MTA3: variants seen among roughly 807,000 people sequenced by gnomAD.
MTA3 encodes the protein metastasis-associated protein MTA3.
MTA3 carries 34 observed loss-of-function variants against 83.5 expected under a neutral mutation model. The ratio of observed to expected loss-of-function variants is 0.41; its 90% CI spans 0.31 to 0.54. The LOEUF (loss-of-function observed/expected upper bound fraction) is 0.54, where lower values mean the gene tolerates loss of function less well. Among genes scored for constraint, MTA3 ranks in the 20% least tolerant of loss-of-function variants. The pLI is 0.33. For synonymous variants in MTA3, 303 were observed against 252.7 expected (o/e 1.20, Z -1.89); for missense variants, 761 against 726.4 (o/e 1.05, Z -0.55).
intron 5 of MTA3, among the ~76,000 whole-genome samples, chr2:42,642,646 T>G (rs1407584194): frequency 6.8e-6 from 1 of 148,018 alleles, no homozygotes; most frequent in African/African-American, 2.5e-5. Context: ...TTAAGTTGGT[T>G]TTTTTTTTTT....
rs1477328409 is a variant in MTA3 at position 42,719,036 on chromosome 2, G to C, written c.1574G>C (p.Ser525Thr). Residue 525 changes from serine to threonine, a missense_variant, in exon 15 of 17, where the codon AGC (serine) becomes ACC (threonine). By Grantham distance (58) the Ser-to-Thr change is moderately conservative (BLOSUM62 1). Coordinates refer to ENST00000405094, the MANE Select transcript of MTA3 (RefSeq NM_001330442.2). ...TCTGGAAGTCCACTGAAAAGCAAAA[G>C]CACTAGGAAGCCTTTGGCATGTATC... ...ELSGSPLKSK[S>T]TRKPLACIIG... The C allele has an allele frequency of 3.9e-6, 6 of 1,550,448 alleles. No homozygotes were observed. The highest frequency in any genetic ancestry group is 1.4e-5 in the African/African-American group (1 of 73,172).
intron 2 of MTA3, among the ~76,000 whole-genome samples, chr2:42,574,032 T>C (rs1028333909): frequency 1.3e-5 from 2 of 151,408 alleles, no homozygotes; most frequent in African/African-American, 4.9e-5. Flanking sequence ...GAGATGGGGT[T>C]TCACCGTGTT....
intron 6 of MTA3, among the ~76,000 whole-genome samples, chr2:42,652,587 C>T (rs957515818): frequency 6.6e-6 from 1 of 152,146 alleles, no homozygotes; most frequent in African/African-American, 2.4e-5. Flanking sequence ...CTCAAATGAT[C>T]CTCCTACCTT....
chr2:42,645,422 G>A (rs1251708487), intron 6 of MTA3, among the ~76,000 whole-genome samples: 1 of 152,142 alleles, frequency 6.6e-6, no homozygotes, highest in Non-Finnish European at 1.5e-5. Flanking sequence ...CTACTCGGGA[G>A]GCTGAGGCAA....
At chr2:42,629,775 C>G (rs914932120) in intron 4 of MTA3, among the ~76,000 whole-genome samples, 1 of 151,922 alleles carries the variant, frequency 6.6e-6, no homozygotes, top group African/African-American at 2.4e-5. Flanking sequence ...TTCATGGGGC[C>G]TGAAAAACAA....
Position 42,625,965 on chromosome 2 carries a change from C to T in MTA3, c.318-14208C>T, listed in dbSNP as rs563011542. Among the ~76,000 whole-genome samples the T allele has an allele frequency of 2.5e-3, 303 of 123,050 alleles. 2 individuals are homozygous for T. Among genetic ancestry groups the T allele is most frequent in the Non-Finnish European group, 4.0e-3 (247 of 61,712 alleles). The allele number at this position is 123,050 out of a possible 152,430, so 80.7% of individuals were successfully genotyped here. ...TTTTTTCTTTTTTTTTTTTTTGAGT[C>T]GGAGTCCTGCTTTGTCGCCCAGGCT... On this transcript the variant is annotated intron_variant, in intron 4 of 16. Coordinates refer to ENST00000405094, the MANE Select transcript of MTA3 (RefSeq NM_001330442.2).
chr2:42,682,811 G>A lies in MTA3; in HGVS notation c.891+222G>A, dbSNP rs527957598. The A allele has an allele frequency of 9.4e-5, 43 of 458,770 alleles. No homozygotes were observed. The Admixed American group carries it at 1.4e-3, about 15-fold the overall frequency. The allele number at this position is 458,770 out of a possible 1,614,324, so 28.4% of individuals were successfully genotyped here. A position where few individuals can be genotyped will look rare whatever the true frequency, so the allele number is the denominator to read the frequency against. Reference sequence around the variant, plus strand: ...TATCAGGCCGGGTACGGTGGCTCACGTCTGTAATTCCAGGACTTTGGGAGG... The same window carrying A: ...TATCAGGCCGGGTACGGTGGCTCACATCTGTAATTCCAGGACTTTGGGAGG... On this transcript the variant is annotated intron_variant, in intron 9 of 16. Transcript: ENST00000405094.
chr2:42,654,917 CCTT>C (rs1180191721), intron 6 of MTA3, among the ~76,000 whole-genome samples: 11 of 152,152 alleles, frequency 7.2e-5, no homozygotes, highest in Non-Finnish European at 1.3e-4. Context: ...CACCCAGCCT[CCTT>C]CTTTCTACTA....
intron 4 of MTA3, among the ~76,000 whole-genome samples, chr2:42,624,170 G>T (rs900883695): frequency 2.6e-5 from 4 of 151,996 alleles, no homozygotes; most frequent in African/African-American, 9.7e-5. Context: ...CCATAATTCA[G>T]ACTTTTCTTT....
At chr2:42,599,583 C>G (rs958944738) in intron 3 of MTA3, among the ~76,000 whole-genome samples, 1 of 151,610 alleles carries the variant, frequency 6.6e-6, no homozygotes, top group Non-Finnish European at 1.5e-5. Flanking sequence ...GTGTGAGACT[C>G]CATCTCCAAA....
chr2:42,500,701 A>G (rs960919014), intron 2 of MTA3, among the ~76,000 whole-genome samples: 1 of 152,204 alleles, frequency 6.6e-6, no homozygotes, highest in African/African-American at 2.4e-5. Context: ...AGATAAATTA[A>G]CAAGAGAAAC....
intron 16 of MTA3, among the ~76,000 whole-genome samples, chr2:42,727,135 C>T (rs1040898953): frequency 6.6e-6 from 1 of 152,154 alleles, no homozygotes; most frequent in African/African-American, 2.4e-5. Flanking sequence ...GAGGTTGAGA[C>T]TGCAGTGAGC....
chr2:42,724,277 A>AACACACACACACACACACACACACAC lies in MTA3; in HGVS notation c.1759+1271_1759+1296dup, dbSNP rs34379999. 5.9e-4 allele frequency among the ~76,000 whole-genome samples: 43 copies of AACACACACACACACACACACACACAC among 73,174 alleles called. 3 individuals carry two copies. The highest frequency in any genetic ancestry group is 1.0e-3 in the Admixed American group (6 of 5,912). 48.0% of individuals were successfully genotyped at this position (73,174 alleles called of 152,430 possible). A position where few individuals can be genotyped will look rare whatever the true frequency, so the allele number is the denominator to read the frequency against. On this transcript the variant is annotated intron_variant, in intron 16 of 16. Transcript: ENST00000405094. The stretch of plus-strand genomic sequence containing the variant: ...AGAAGGTATAAAGTAAGTCCTGAAA[A>AACACACACACACACACACACACACAC]ACACACACACACACACACACACACA...
intron 2 of MTA3, among the ~76,000 whole-genome samples, chr2:42,505,397 C>CA (rs896608245): frequency 3.3e-5 from 5 of 149,298 alleles, no homozygotes; most frequent in African/African-American, 7.4e-5. Flanking sequence ...ATCTCAAAAA[C>CA]AAAAAAAAAG....
intron 16 of MTA3, among the ~76,000 whole-genome samples, chr2:42,753,135 G>T (rs77774690): frequency 1.3e-5 from 2 of 151,844 alleles, no homozygotes; most frequent in Non-Finnish European, 2.9e-5. Flanking sequence ...ATGCTATGTC[G>T]TCCAGACTGT....
At chr2:42,661,555 C>T (rs1212321132) in intron 8 of MTA3, among the ~76,000 whole-genome samples, 1 of 140,062 alleles carries the variant, frequency 7.1e-6, no homozygotes, top group Non-Finnish European at 1.5e-5. Flanking sequence ...TGAACCAGAA[C>T]TATGTGGAAT....
intron 16 of MTA3, among the ~76,000 whole-genome samples, chr2:42,748,586 TTA>T (rs1669626049): frequency 6.6e-6 from 1 of 152,202 alleles, no homozygotes; most frequent in South Asian, 2.1e-4. Context: ...TTGTCACCCA[TTA>T]TATTCGTCTT....
Position 42,754,960 on chromosome 2 carries a change from A to G in MTA3, c.*1561A>G. 1.0e-6 allele frequency: 1 copy of G among 985,476 alleles called. No homozygotes were observed. The highest frequency in any genetic ancestry group is 1.2e-6 in the Non-Finnish European group (1 of 830,044). The allele number at this position is 985,476 out of a possible 1,614,324, so 61.0% of individuals were successfully genotyped here. On this transcript the variant is annotated 3_prime_UTR_variant, in exon 17 of 17. Coordinates refer to ENST00000405094, the MANE Select transcript of MTA3 (RefSeq NM_001330442.2). ...ATCTTAGGCTTCTGCAAGGGCGAGC[A>G]TGGGATGTCTCCACCACCACCCACT...
intron 2 of MTA3, among the ~76,000 whole-genome samples, chr2:42,534,659 A>G (rs769257587): frequency 2.6e-5 from 4 of 152,202 alleles, no homozygotes; most frequent in Non-Finnish European, 4.4e-5. Flanking sequence ...CACTGGCATA[A>G]ACAACTCAGA....
Sources: gnomAD v4.1 joint callset for allele counts (sites outside exome capture counted in the v4.1 genomes callset) on GRCh38, gnomAD v4.1.1 for gene constraint, MANE v1.5 for transcripts, NCBI Gene and HGNC (gene_info 2026-07-23, HGNC 2026-07-21) for gene names.